MLXIP: variants seen among roughly 807,000 people sequenced by gnomAD.
MLXIP encodes MLX-interacting protein.
MLXIP carries 30 observed loss-of-function variants against 87.2 expected under a neutral mutation model. The observed-to-expected ratio is 0.34, with a 90% CI of 0.26 to 0.47. The LOEUF (loss-of-function observed/expected upper bound fraction) is 0.47. Ranked by LOEUF, MLXIP falls within the 20% of genes least tolerant of loss-of-function variation. The probability of loss-of-function intolerance (pLI) is 1.00; values close to 1 mark genes in which losing one functional copy is unlikely to be tolerated. For missense variants in MLXIP, 1,002 were observed against 1,240.1 expected (o/e 0.81, Z 2.88); for synonymous variants, 530 against 514.0 (o/e 1.03, Z -0.42).
rs1205676599 is a variant in MLXIP at position 122,142,048 on chromosome 12, C to T, written c.*236C>T. On this transcript the variant is annotated 3_prime_UTR_variant, in exon 17 of 17. Transcript: ENST00000319080. ...TGTGAACTCTCTCACTCAGTGACCTCAGTCACCAACCTCCTCTGCCCTCGG... is the reference window on the plus strand; with the variant it reads ...TGTGAACTCTCTCACTCAGTGACCTTAGTCACCAACCTCCTCTGCCCTCGG... 1.5e-6 allele frequency: 1 copy of T among 672,452 alleles called. No individual in the cohort carries two copies. The allele number at this position is 672,452 out of a possible 1,614,324, so 41.7% of individuals were successfully genotyped here. A position where few individuals can be genotyped will look rare whatever the true frequency, so the allele number is the denominator to read the frequency against.
chr12:122,129,535 T>C, intron 4 of MLXIP, 53 bp from the exon 5 acceptor site: 1 of 1,598,394 alleles, frequency 6.3e-7, no homozygotes, highest in Non-Finnish European at 8.5e-7. Context: ...CTAGAGCCCT[T>C]GGGCCCTCCT....
chr12:122,133,172 C>T lies in MLXIP; in HGVS notation c.1093-176C>T. 1.6e-6 allele frequency: 1 copy of T among 641,700 alleles called. No individual in the cohort carries two copies. Among genetic ancestry groups the T allele is most frequent in the Non-Finnish European group, 2.5e-6 (1 of 403,880 alleles). The allele number at this position is 641,700 out of a possible 1,614,324, so 39.8% of individuals were successfully genotyped here. The stretch of plus-strand genomic sequence containing the variant: ...GTTTTTAATGGAAACAAGACCCCCG[C>T]AGACACGCAGGGAAACACAAATCCC... On this transcript the variant is annotated intron_variant, in intron 8 of 16. Coordinates refer to ENST00000319080, the MANE Select transcript of MLXIP (RefSeq NM_014938.6). This position sits in a 1 kb window ranked among gnomAD's most constrained non-coding sequence, Gnocchi z 4.9.
intron 1 of MLXIP, among the ~76,000 whole-genome samples, chr12:122,085,031 C>T (rs1178733284): frequency 6.6e-6 from 1 of 152,108 alleles, no homozygotes; most frequent in Admixed American, 6.5e-5. Context: ...GAAAAGTGAC[C>T]TACCTTATCT....
At chr12:122,101,249 G>T (rs549476457) in intron 1 of MLXIP, among the ~76,000 whole-genome samples, 1 of 152,064 alleles carries the variant, frequency 6.6e-6, no homozygotes, top group Non-Finnish European at 1.5e-5. Context: ...TCAAATGCAG[G>T]ATTCAGACAT....
intron 1 of MLXIP, among the ~76,000 whole-genome samples, chr12:122,082,411 T>G (rs1354228556): frequency 6.6e-6 from 1 of 152,190 alleles, no homozygotes; most frequent in East Asian, 1.9e-4. Flanking sequence ...AGAATGCTAT[T>G]CAATGGGAAA....
rs184783142 is a variant in MLXIP, at chr12:122,132,153, A to G, written c.1001-139A>G. ...TAGCCAGGATGGTCTTGATCTCTTG[A>G]CCTCATGATCTGCCTACCTCGGCCT... On this transcript the variant is annotated intron_variant, in intron 7 of 16. Transcript: ENST00000319080. The G allele has an allele frequency of 6.5e-6, 4 of 615,270 alleles. No homozygotes were observed. The Admixed American group carries it at 7.7e-5, about 12-fold the overall frequency. The allele number at this position is 615,270 out of a possible 1,614,324, so 38.1% of individuals were successfully genotyped here.
At chr12:122,109,068 G>A (rs1000560567) in intron 1 of MLXIP, among the ~76,000 whole-genome samples, 4 of 152,326 alleles carry the variant, frequency 2.6e-5, no homozygotes, top group African/African-American at 9.6e-5. Context: ...GAGTAGCTGG[G>A]ATTACAAGCG....
intron 6 of MLXIP, among the ~76,000 whole-genome samples, chr12:122,130,573 G>A (rs1245631313): frequency 6.6e-6 from 1 of 151,662 alleles, no homozygotes; most frequent in Non-Finnish European, 1.5e-5. Flanking sequence ...AACAGTGTTC[G>A]GGGAGGTCTC....
chr12:122,096,297 T>C (rs968824473), intron 1 of MLXIP, among the ~76,000 whole-genome samples: 1 of 152,176 alleles, frequency 6.6e-6, no homozygotes, highest in Non-Finnish European at 1.5e-5. Context: ...TGTACTACTA[T>C]TTATTTTCTC....
chr12:122,126,765 A>G (rs1023777918), intron 1 of MLXIP, among the ~76,000 whole-genome samples: 4 of 152,204 alleles, frequency 2.6e-5, no homozygotes, highest in African/African-American at 9.7e-5. Flanking sequence ...CGCACACACC[A>G]GTTGCTGTGT....
rs1425742693 is a variant in MLXIP, at chr12:122,079,073, C to G, written c.220C>G (p.Gln74Glu). The part of the protein sequence containing the change: ...GPGREEPPRR[Q>E]QIIHSGHFMV... ...GGGCCGCGAGGAACCTCCGCGCCGC[C>G]AGCAGATCATCCACAGCGGCCACTT... is the stretch of plus-strand genomic sequence containing the variant. Residue 74 changes from glutamine to glutamate, a missense_variant, in exon 1 of 17, where the codon CAG (glutamine) becomes GAG (glutamate). This residue lies in a region of MLXIP where 127 missense variants were observed against 239.0 expected (regional missense o/e 0.53). Coordinates refer to ENST00000319080, the MANE Select transcript of MLXIP (RefSeq NM_014938.6). 1.3e-6 allele frequency: 2 copies of G among 1,528,808 alleles called. No homozygotes were observed. The highest frequency in any genetic ancestry group is 2.8e-5 in the African/African-American group (2 of 71,144). The allele number at this position is 1,528,808 out of a possible 1,614,324, so 94.7% of individuals were successfully genotyped here. A position where few individuals can be genotyped will look rare whatever the true frequency, so the allele number is the denominator to read the frequency against.
intron 15 of MLXIP, among the ~76,000 whole-genome samples, chr12:122,139,584 C>T (rs894357745): frequency 1.3e-5 from 2 of 152,186 alleles, no homozygotes; most frequent in Non-Finnish European, 2.9e-5. Context: ...AGGTGACGGT[C>T]GTGCAGGAGG....
chr12:122,105,102 G>C (rs1376940800), intron 1 of MLXIP, among the ~76,000 whole-genome samples: 1 of 152,124 alleles, frequency 6.6e-6, no homozygotes, highest in Admixed American at 6.5e-5. Context: ...GTGCCTCATG[G>C]GCGATCACAT....
At chr12:122,093,372 GGT>G (rs1254343984) in intron 1 of MLXIP, among the ~76,000 whole-genome samples, 93 of 141,572 alleles carry the variant, frequency 6.6e-4, no homozygotes, top group Non-Finnish European at 1.2e-3. Context: ...GGTGTGTGTT[GGT>G]GTGTGTGGTG....
intron 1 of MLXIP, among the ~76,000 whole-genome samples, chr12:122,105,201 C>A (rs1219408821): frequency 5.3e-5 from 8 of 152,200 alleles, no homozygotes; most frequent in Admixed American, 5.2e-4. Flanking sequence ...TCCTTTTTAT[C>A]TCTGCAGTTA....
chr12:122,130,316 C>T (rs1952955324), intron 6 of MLXIP, among the ~76,000 whole-genome samples: 1 of 151,974 alleles, frequency 6.6e-6, no homozygotes, highest in Non-Finnish European at 1.5e-5. Flanking sequence ...CAGAGTGGGC[C>T]CACTGGGCAG....
chr12:122,138,857 C>G lies in MLXIP; in HGVS notation c.2427C>G (p.Thr809=). The G allele has an allele frequency of 6.2e-7, 1 of 1,614,036 alleles. No homozygotes were observed. The highest frequency in any genetic ancestry group is 1.1e-5 in the South Asian group (1 of 91,080). The change falls in exon 15 of 17, where the codon ACC becomes ACG. Residue 809 remains threonine, a synonymous_variant. Transcript: ENST00000319080. Reference sequence around the variant, plus strand: ...TCCCTGCCACGGGAGTCCCCGTTACCCGGCGCCAGTTTGATCACATGAAAG... The same window carrying G: ...TCCCTGCCACGGGAGTCCCCGTTACGCGGCGCCAGTTTGATCACATGAAAG... ...QLLPATGVPV[T]RRQFDHMKDM...
intron 1 of MLXIP, among the ~76,000 whole-genome samples, chr12:122,086,994 C>T (rs961959808): frequency 2.0e-5 from 3 of 152,166 alleles, no homozygotes; most frequent in Non-Finnish European, 2.9e-5. Context: ...CTTCTGGATC[C>T]GCCCAGCTTG....
Position 122,128,685 on chromosome 12 carries a change from G to A in MLXIP, c.607-452G>A, listed in dbSNP as rs181742280. On this transcript the variant is annotated intron_variant, in intron 3 of 16. Coordinates refer to ENST00000319080, the MANE Select transcript of MLXIP (RefSeq NM_014938.6). ...GCTGTCATGCAAGGCATCCACACTG[G>A]CATCACGCGAAGGTTGGATGAGAGG... is the stretch of plus-strand genomic sequence containing the variant. 40 of 162,626 alleles carry A rather than the reference G, an allele frequency of 2.5e-4. No individual in the cohort carries two copies. The East Asian group carries it at 3.6e-3, about 14-fold the overall frequency. 10.1% of individuals were successfully genotyped at this position (162,626 alleles called of 1,614,324 possible).
Sources: allele counts gnomAD v4.1 joint callset (sites outside exome capture counted in the v4.1 genomes callset), GRCh38; gene constraint gnomAD v4.1.1; regional missense constraint gnomAD v4.1.1; non-coding constraint Gnocchi (gnomAD v3.1); transcripts MANE v1.5; gene names NCBI Gene and HGNC (gene_info 2026-07-23, HGNC 2026-07-21).